Variants in PACRG observed in about 807,000 individuals in gnomAD.
PACRG encodes parkin coregulated gene protein.
A neutral mutation model predicts 29.7 loss-of-function variants in PACRG; 29 were observed. That is an observed-to-expected ratio of 0.98 (90% CI 0.73 to 1.33). The LOEUF (loss-of-function observed/expected upper bound fraction) is 1.33. Among genes scored for constraint, PACRG ranks in the 40% most tolerant of loss-of-function variants. The pLI, the probability that PACRG is intolerant of heterozygous loss-of-function variation, is 0.00. For synonymous variants in PACRG, 116 were observed against 118.7 expected (o/e 0.98, Z 0.15); for missense variants, 279 against 316.2 (o/e 0.88, Z 0.89).
chr6:163,089,139 T>C, intron 3 of PACRG, 120 bp from the exon 4 acceptor site: 1 of 973,110 alleles, frequency 1.0e-6, no homozygotes, highest in Non-Finnish European at 1.5e-6. Context: ...TAAAGGCCCA[T>C]TGGTCCCCAG....
At chr6:163,068,220 T>C (rs1162977139) in intron 3 of PACRG, among the ~76,000 whole-genome samples, 1 of 152,238 alleles carries the variant, frequency 6.6e-6, no homozygotes, top group Non-Finnish European at 1.5e-5. Context: ...CCGGGAAGCA[T>C]ATGAAAGGTA....
intron 2 of PACRG, among the ~76,000 whole-genome samples, chr6:162,826,270 T>C (rs935553175): frequency 2.0e-5 from 3 of 152,162 alleles, no homozygotes; most frequent in African/African-American, 4.8e-5. Flanking sequence ...TAAAACTCTG[T>C]TGAACATAGC....
At chr6:163,284,114 A>G (rs536263997) in intron 4 of PACRG, among the ~76,000 whole-genome samples, 1 of 148,896 alleles carries the variant, frequency 6.7e-6, no homozygotes, top group South Asian at 2.1e-4. Flanking sequence ...ACTCTGTCTC[A>G]AAAAAAAAAA....
intron 2 of PACRG, among the ~76,000 whole-genome samples, chr6:163,038,690 T>G (rs540107512): frequency 6.6e-6 from 1 of 152,206 alleles, no homozygotes; most frequent in Admixed American, 6.5e-5. Flanking sequence ...GCTCACAAGT[T>G]AGTGAGGGTG....
chr6:162,961,605 A>G (rs574109469), intron 2 of PACRG, among the ~76,000 whole-genome samples: 4 of 151,688 alleles, frequency 2.6e-5, no homozygotes, highest in South Asian at 4.2e-4. Flanking sequence ...ACCACACTCC[A>G]CTCCACATCT....
intron 1 of PACRG, among the ~76,000 whole-genome samples, chr6:162,733,057 C>G (rs1779896171): frequency 6.6e-6 from 1 of 152,200 alleles, no homozygotes; most frequent in African/African-American, 2.4e-5. Flanking sequence ...TATACAAATT[C>G]ATTCTATCAT....
Position 163,221,314 on chromosome 6 carries a change from C to T in PACRG, c.614-93513C>T, listed in dbSNP as rs560024476. ...GCCACTGGGTCCTTAGAGTCTGAAT[C>T]TGGGTGTTGCGGGAAGGTTGATGCC... On this transcript the variant is annotated intron_variant, in intron 4 of 4. Coordinates refer to ENST00000366888, the MANE Select transcript of PACRG (RefSeq NM_001080379.2). Among the ~76,000 whole-genome samples, 15 of 152,286 alleles carry T rather than the reference C, an allele frequency of 9.8e-5. 1 individual carries two copies. In the South Asian group the frequency reaches 3.1e-3, roughly 32 times the overall value.
intron 2 of PACRG, among the ~76,000 whole-genome samples, chr6:162,969,801 T>C (rs1241886655): frequency 6.6e-6 from 1 of 152,222 alleles, no homozygotes; most frequent in Non-Finnish European, 1.5e-5. Context: ...ACCATTTCCC[T>C]CCCTGCTTTA....
At chr6:162,970,548 C>CACTT (rs1430635645) in intron 2 of PACRG, among the ~76,000 whole-genome samples, 7 of 152,150 alleles carry the variant, frequency 4.6e-5, no homozygotes, top group African/African-American at 1.7e-4. Context: ...TTCCCCCACC[C>CACTT]ACTTTCACCC....
intron 2 of PACRG, among the ~76,000 whole-genome samples, chr6:162,893,144 T>C (rs1406016404): frequency 2.0e-5 from 3 of 152,146 alleles, no homozygotes; most frequent in African/African-American, 7.2e-5. Context: ...CTGGTGTCTG[T>C]CTTCCTTGTG....
intron 4 of PACRG, among the ~76,000 whole-genome samples, chr6:163,134,323 A>G (rs1335908572): frequency 1.3e-5 from 2 of 152,174 alleles, no homozygotes; most frequent in East Asian, 3.9e-4. Flanking sequence ...TCGGGGCTGT[A>G]AGTACCCCTG....
At chr6:162,761,963 C>CT (rs1782404058) in intron 1 of PACRG, among the ~76,000 whole-genome samples, 2 of 146,976 alleles carry the variant, frequency 1.4e-5, no homozygotes, top group Non-Finnish European at 3.0e-5. Flanking sequence ...GAAACCCCCC[C>CT]CCAAAAAAAA....
Position 162,982,428 on chromosome 6 carries a change from G to A in PACRG, c.292-79722G>A, listed in dbSNP as rs192992983. On this transcript the variant is annotated intron_variant, in intron 2 of 4. Transcript: ENST00000366888. ...TTTGTGCTCTTTTAGACTTTGCGAC[G>A]TAGGCATTTCATGCTATGAATTTTC... Among the ~76,000 whole-genome samples, 264 of 151,814 alleles carry A rather than the reference G, an allele frequency of 1.7e-3. 1 individual carries two copies. Among genetic ancestry groups the A allele is most frequent in the African/African-American group, 5.5e-3 (227 of 41,452 alleles).
chr6:163,250,906 T>TATATATATATATATATAC (rs1026185460), intron 4 of PACRG, among the ~76,000 whole-genome samples: 3 of 149,244 alleles, frequency 2.0e-5, no homozygotes, highest in African/African-American at 7.5e-5. Flanking sequence ...TATATATATA[T>TATATATATATATATATAC]ACACTATGGA....
intron 1 of PACRG, among the ~76,000 whole-genome samples, chr6:162,754,736 T>C (rs763236971): frequency 7.9e-5 from 12 of 152,186 alleles, no homozygotes; most frequent in Admixed American, 2.0e-4. Flanking sequence ...ATTTTCCCCA[T>C]TGTGTGTTCT....
intron 4 of PACRG, among the ~76,000 whole-genome samples, chr6:163,242,213 G>A (rs1021580732): frequency 3.1e-4 from 47 of 152,130 alleles, no homozygotes; most frequent in African/African-American, 1.1e-3. Flanking sequence ...CTACTGAGTC[G>A]AAATTCCATT....
At chr6:163,309,619 A>G (rs1785330473) in intron 4 of PACRG, among the ~76,000 whole-genome samples, 1 of 152,190 alleles carries the variant, frequency 6.6e-6, no homozygotes, top group African/African-American at 2.4e-5. Flanking sequence ...CCTCTTAACC[A>G]TTTCCTGATT....
At chr6:163,312,126 G>T (rs1269806160) in intron 4 of PACRG, among the ~76,000 whole-genome samples, 2 of 152,124 alleles carry the variant, frequency 1.3e-5, no homozygotes, top group Non-Finnish European at 2.9e-5. Context: ...TATGCAATGG[G>T]CTCTGTCCTA....
chr6:163,006,909 G>C lies in PACRG; in HGVS notation c.292-55241G>C, dbSNP rs536177220. On this transcript the variant is annotated intron_variant, in intron 2 of 4. Coordinates refer to ENST00000366888, the MANE Select transcript of PACRG (RefSeq NM_001080379.2). ...TACAATCTGGCAATGTCTGCCTTTT[G>C]ATTAATTGCTTCTATTATGATTATG... 4.6e-5 allele frequency among the ~76,000 whole-genome samples: 7 copies of C among 151,690 alleles called. No homozygotes were observed. The East Asian group carries it at 1.2e-3, about 25-fold the overall frequency.
Sources: allele counts gnomAD v4.1 joint callset (sites outside exome capture counted in the v4.1 genomes callset), GRCh38; gene constraint gnomAD v4.1.1; transcripts MANE v1.5; gene names NCBI Gene and HGNC (gene_info 2026-07-23, HGNC 2026-07-21).